The following PCK1 variants were observed in gnomAD, a reference collection of about 807,000 sequenced individuals.
PCK1 encodes the protein phosphoenolpyruvate carboxykinase, cytosolic [GTP].
A neutral mutation model predicts 50.3 loss-of-function variants in PCK1; 44 were observed. The ratio of observed to expected loss-of-function variants is 0.87; its 90% CI spans 0.69 to 1.12. The LOEUF (loss-of-function observed/expected upper bound fraction) is 1.12, where lower values mean the gene tolerates loss of function less well. PCK1 is among the 50% of genes most tolerant of loss of function. The pLI is 0.00. For synonymous variants in PCK1, 332 were observed against 314.3 expected (o/e 1.06, Z -0.59); for missense variants, 790 against 815.0 (o/e 0.97, Z 0.37).
chr20:57,563,428 A>T (rs2070171575), intron 5 of PCK1, 137 bp from the exon 6 acceptor site: 1 of 709,716 alleles, frequency 1.4e-6, no homozygotes, highest in South Asian at 1.9e-5. Context: ...TTTGGACTTC[A>T]TGATTCTGGG....
rs201469307 is a variant in PCK1, at chr20:57,562,847, T to C, written c.558T>C (p.Asp186=). The stretch of plus-strand genomic sequence containing the variant: ...CGCCCGTCCTGGAAGCAGTGGGCGA[T>C]GGGGAGTTTGTCAAATGCCTCCATT... ...MGTPVLEAVG[D]GEFVKCLHSV... Residue 186 remains aspartate (D), a synonymous_variant, in exon 4 of 10, where the codon GAT becomes GAC. Coordinates refer to ENST00000319441, the MANE Select transcript of PCK1 (RefSeq NM_002591.4). The C allele has an allele frequency of 1.2e-6, 2 of 1,613,892 alleles. No homozygotes were observed. Among genetic ancestry groups the C allele is most frequent in the Non-Finnish European group, 1.7e-6 (2 of 1,179,742 alleles).
chr20:57,565,881 G>A lies in PCK1; in HGVS notation c.*77G>A, dbSNP rs2070200421. On this transcript the variant is annotated 3_prime_UTR_variant, in exon 10 of 10. Transcript: ENST00000319441. ...GTGCAGTAGGAGCAAGAGAGGGCAAGTGTTCCCAAATTGACGCCACCATAA... is the reference window on the plus strand; with the variant it reads ...GTGCAGTAGGAGCAAGAGAGGGCAAATGTTCCCAAATTGACGCCACCATAA... The A allele has an allele frequency of 9.1e-7, 1 of 1,101,302 alleles. No individual in the cohort carries two copies. Among genetic ancestry groups the A allele is most frequent in the African/African-American group, 1.6e-5 (1 of 63,510 alleles). 68.2% of individuals were successfully genotyped at this position (1,101,302 alleles called of 1,614,324 possible).
chr20:57,563,437 G>T, intron 5 of PCK1, 128 bp from the exon 6 acceptor site: 1 of 727,856 alleles, frequency 1.4e-6, no homozygotes, highest in Non-Finnish European at 2.3e-6. Flanking sequence ...CATGATTCTG[G>T]GAGTGTTTGT....
In PCK1 at chr20:57,564,315, T is replaced by C; in HGVS notation, c.1108T>C (p.Trp370Arg). 1.9e-6 allele frequency: 3 copies of C among 1,614,134 alleles called. No individual in the cohort carries two copies. The highest frequency in any genetic ancestry group is 1.7e-6 in the Non-Finnish European group (2 of 1,180,018). Residue 370 changes from tryptophan to arginine, a missense_variant, in exon 7 of 10, where the codon TGG (tryptophan) becomes CGG (arginine). Transcript: ENST00000319441. ...VAETSDGGVY[W>R]EGIDEPLASG... ...CGAGACCAGCGACGGGGGCGTTTAC[T>C]GGGAAGGCATTGATGAGCCGCTAGC...
Position 57,566,212 on chromosome 20 carries a change from T to G in PCK1, c.*408T>G, listed in dbSNP as rs139159526. The stretch of plus-strand genomic sequence containing the variant: ...GTGTGTGTGTGCATGTATGTGCACA[T>G]GTGTCTGTGTGGTATATTTGTGTAT... On this transcript the variant is annotated 3_prime_UTR_variant, in exon 10 of 10. Coordinates refer to ENST00000319441, the MANE Select transcript of PCK1 (RefSeq NM_002591.4). The G allele has an allele frequency of 1.0e-3, 169 of 168,596 alleles. 1 individual carries two copies. The highest frequency in any genetic ancestry group is 3.9e-3 in the African/African-American group (164 of 41,980). 10.4% of individuals were successfully genotyped at this position (168,596 alleles called of 1,614,324 possible).
chr20:57,563,612 C>G lies in PCK1; in HGVS notation c.846C>G (p.Ala282=), dbSNP rs554852774. The G allele has an allele frequency of 1.9e-6, 3 of 1,612,388 alleles. No homozygotes were observed. The Admixed American group carries it at 5.0e-5, about 27-fold the overall frequency. Residue 282 remains alanine (A), a synonymous_variant, in exon 6 of 10, where the codon GCC becomes GCG. Coordinates refer to ENST00000319441, the MANE Select transcript of PCK1 (RefSeq NM_002591.4). ...NPEGEKKYLA[A]AFPSACGKTN... ...AGGGTGAGAAGAAGTACCTGGCGGC[C>G]GCATTTCCCAGCGCCTGCGGGAAGA...
At position 57,567,481 on chromosome 20, in the gene PCK1, GA is replaced by G. The variant is rs1600709626; in HGVS notation, c.*1682del. 1 of 152,334 alleles carries G rather than the reference GA, an allele frequency of 6.6e-6. No homozygotes were observed. Among genetic ancestry groups the G allele is most frequent in the South Asian group, 2.1e-4 (1 of 4,828 alleles). The allele number at this position is 152,334 out of a possible 1,614,324, so 9.4% of individuals were successfully genotyped here. On this transcript the variant is annotated 3_prime_UTR_variant, in exon 10 of 10. Coordinates refer to ENST00000319441, the MANE Select transcript of PCK1 (RefSeq NM_002591.4). ...TTAGAATATCAAAACCACCGAAGGG[GA>G]AAAACCACTTACTGGAATTAAATGC...
Position 57,563,562 on chromosome 20 carries a change from C to T in PCK1, c.799-3C>T, listed in dbSNP as rs1396595869. 3.2e-6 allele frequency: 5 copies of T among 1,585,950 alleles called. No homozygotes were observed. The South Asian group carries it at 5.6e-5, about 18-fold the overall frequency. On this transcript the variant is annotated splice_polypyrimidine_tract_variant and splice_region_variant and intron_variant, in intron 5 of 9. Transcript: ENST00000319441. The stretch of plus-strand genomic sequence containing the variant: ...TCACAATAAAGAATCTTGTCCCCAA[C>T]AGATTCTGGGTATAACCAACCCTGA...
At position 57,565,987 on chromosome 20, in the gene PCK1, T is replaced by C. The variant is rs1252844966; in HGVS notation, c.*183T>C. On this transcript the variant is annotated 3_prime_UTR_variant, in exon 10 of 10. Transcript: ENST00000319441. ...ATAAGAACCACAGAACACTGGGTAGTAGCTAATGAAATTGAGAAGGGAAAT... is the reference window on the plus strand; with the variant it reads ...ATAAGAACCACAGAACACTGGGTAGCAGCTAATGAAATTGAGAAGGGAAAT... 5 of 506,756 alleles carry C rather than the reference T, an allele frequency of 9.9e-6. No homozygotes were observed. Among genetic ancestry groups the C allele is most frequent in the African/African-American group, 7.7e-5 (4 of 52,128 alleles). The allele number at this position is 506,756 out of a possible 1,614,324, so 31.4% of individuals were successfully genotyped here.
At chr20:57,562,626 GA>G in intron 3 of PCK1, 69 bp from the exon 4 acceptor site, 14 of 1,360,196 alleles carry the variant, frequency 1.0e-5, no homozygotes, top group Non-Finnish European at 1.3e-5. Context: ...GTCTACCTGG[GA>G]AAAAAATGCT....
chr20:57,565,906 A>G lies in PCK1; in HGVS notation c.*102A>G. 1 of 820,350 alleles carries G rather than the reference A, an allele frequency of 1.2e-6. No individual in the cohort carries two copies. The highest frequency in any genetic ancestry group is 1.9e-6 in the Non-Finnish European group (1 of 531,302). The allele number at this position is 820,350 out of a possible 1,614,324, so 50.8% of individuals were successfully genotyped here. A position where few individuals can be genotyped will look rare whatever the true frequency, so the allele number is the denominator to read the frequency against. On this transcript the variant is annotated 3_prime_UTR_variant, in exon 10 of 10. Coordinates refer to ENST00000319441, the MANE Select transcript of PCK1 (RefSeq NM_002591.4). ...GTGTTCCCAAATTGACGCCACCATA[A>G]TAATCATCACCACACCGTGAGCAGA...
In PCK1 at chr20:57,562,813, G is replaced by A. The variant is rs761566552; in HGVS notation, c.524G>A (p.Arg175Gln). ...YVVASMRIMT[R>Q]MGTPVLEAVG... ...GTGGCCAGCATGCGGATCATGACGCGGATGGGCACGCCCGTCCTGGAAGCA... is the reference window on the plus strand; with the variant it reads ...GTGGCCAGCATGCGGATCATGACGCAGATGGGCACGCCCGTCCTGGAAGCA... The change falls in exon 4 of 10, where the codon CGG becomes CAG. Residue 175 changes from arginine to glutamine, a missense_variant. Coordinates refer to ENST00000319441, the MANE Select transcript of PCK1 (RefSeq NM_002591.4). 2.4e-5 allele frequency: 39 copies of A among 1,614,080 alleles called. No individual in the cohort carries two copies. The highest frequency in any genetic ancestry group is 3.3e-4 in the Middle Eastern group (2 of 6,058).
chr20:57,565,325 A>G, intron 9 of PCK1, 25 bp from the exon 10 acceptor site: 1 of 1,586,368 alleles, frequency 6.3e-7, no homozygotes. Flanking sequence ...CTCATTTACT[A>G]ATGAACTCCC....
rs766492136 is a variant in PCK1, at chr20:57,565,337, C to T, written c.1415-13C>T. On this transcript the variant is annotated splice_polypyrimidine_tract_variant and intron_variant, in intron 9 of 9. Transcript: ENST00000319441. The stretch of plus-strand genomic sequence containing the variant: ...AGCCTCATTTACTAATGAACTCCCT[C>T]TCTGTTTAACAGGCAAAATCATCAT... 7 of 1,607,990 alleles carry T rather than the reference C, an allele frequency of 4.4e-6. No individual in the cohort carries two copies. The highest frequency in any genetic ancestry group is 2.6e-6 in the Non-Finnish European group (3 of 1,174,700).
chr20:57,564,661 C>T (rs767594642), intron 8 of PCK1, 48 bp downstream of exon 8: 54 of 1,494,134 alleles, frequency 3.6e-5, no homozygotes, highest in African/African-American at 9.8e-5. Context: ...TGCTGGGTAC[C>T]GAAGGGCATC....
Position 57,565,762 on chromosome 20 carries a change from G to C in PCK1, c.1827G>C (p.Glu609Asp). 1.2e-6 allele frequency: 2 copies of C among 1,613,238 alleles called. No individual in the cohort carries two copies. The highest frequency in any genetic ancestry group is 1.7e-6 in the Non-Finnish European group (2 of 1,179,768). Residue 609 changes from glutamate (E) to aspartate (D), a missense_variant, in exon 10 of 10, where the codon GAG (glutamate) becomes GAC (aspartate). Physicochemically the swap from Glu to Asp is conservative, Grantham distance 45. Coordinates refer to ENST00000319441, the MANE Select transcript of PCK1 (RefSeq NM_002591.4). ...QVNADLPCEI[E>D]REILALKQRI... ...ATGCCGACCTCCCCTGTGAAATCGA[G>C]AGAGAGATCCTTGCCTTGAAGCAAA...
In PCK1 at chr20:57,564,625, C is replaced by T. The variant is rs1176944015; in HGVS notation, c.1318+12C>T. On this transcript the variant is annotated intron_variant, in intron 8 of 9. Transcript: ENST00000319441. ...CCGTAGACCTGCTGGTGAGGCTCTC[C>T]TTCATTTAGGCTGGGAACATGGGTG... 1 of 1,573,492 alleles carries T rather than the reference C, an allele frequency of 6.4e-7. No homozygotes were observed. The highest frequency in any genetic ancestry group is 8.6e-7 in the Non-Finnish European group (1 of 1,159,646).
chr20:57,565,893 T>A lies in PCK1; in HGVS notation c.*89T>A. The A allele has an allele frequency of 1.1e-6, 1 of 914,392 alleles. No homozygotes were observed. The highest frequency in any genetic ancestry group is 1.6e-6 in the Non-Finnish European group (1 of 613,844). 56.6% of individuals were successfully genotyped at this position (914,392 alleles called of 1,614,324 possible). ...CAAGAGAGGGCAAGTGTTCCCAAAT[T>A]GACGCCACCATAATAATCATCACCA... is the stretch of plus-strand genomic sequence containing the variant. On this transcript the variant is annotated 3_prime_UTR_variant, in exon 10 of 10. Transcript: ENST00000319441.
In PCK1 at chr20:57,564,164, T is replaced by C. The variant is rs770004757; in HGVS notation, c.962-5T>C. 7 of 1,606,200 alleles carry C rather than the reference T, an allele frequency of 4.4e-6. No individual in the cohort carries two copies. The highest frequency in any genetic ancestry group is 6.0e-6 in the Non-Finnish European group (7 of 1,173,214). ...CTACTGCTTCTCTGGTTTAAAACTC[T>C]CCAGGTCATTTAAGGGCCATCAACC... On this transcript the variant is annotated splice_region_variant and splice_polypyrimidine_tract_variant and intron_variant, in intron 6 of 9. Transcript: ENST00000319441.
Sources: gnomAD v4.1 joint callset for allele counts on GRCh38, gnomAD v4.1.1 for gene constraint, MANE v1.5 for transcripts, NCBI Gene and HGNC (gene_info 2026-07-23, HGNC 2026-07-21) for gene names.